The following ADAMTSL3 variants were observed in gnomAD, a reference collection of about 807,000 sequenced individuals.
The protein encoded by ADAMTSL3 is ADAMTS like 3.
In ADAMTSL3, 128 loss-of-function variants were observed where a neutral mutation model predicts 201.7. The observed-to-expected ratio is 0.63, with a 90% CI of 0.55 to 0.73. The LOEUF (loss-of-function observed/expected upper bound fraction) is 0.73. Ranked by LOEUF, ADAMTSL3 falls within the 30% of genes least tolerant of loss-of-function variation. ADAMTSL3 has a pLI of 0.00. For missense variants in ADAMTSL3, 1,990 were observed against 2,119.6 expected (o/e 0.94, Z 1.20); for synonymous variants, 738 against 748.4 (o/e 0.99, Z 0.23).
chr15:83,730,894 A>G (rs1257553693), intron 3 of ADAMTSL3, among the ~76,000 whole-genome samples: 3 of 152,034 alleles, frequency 2.0e-5, no homozygotes, highest in Non-Finnish European at 4.4e-5. Context: ...TAAGAGTTTT[A>G]TGGTGGTTTT....
chr15:84,012,144 G>T (rs528851232), intron 23 of ADAMTSL3, among the ~76,000 whole-genome samples: 1 of 152,160 alleles, frequency 6.6e-6, no homozygotes, highest in Non-Finnish European at 1.5e-5. Context: ...TTCTATTGCT[G>T]CTGTAACAAA....
At position 83,853,725 on chromosome 15, in the gene ADAMTSL3, G is replaced by A. The variant is rs568848671; in HGVS notation, c.728-5041G>A. Among the ~76,000 whole-genome samples, 23 of 152,016 alleles carry A rather than the reference G, an allele frequency of 1.5e-4. No individual in the cohort carries two copies. The South Asian group carries it at 3.9e-3, about 26-fold the overall frequency. ...TTCAAATATTTTACTTAGGAATTTG[G>A]TATCAAATAGATGTTAATGACATTG... On this transcript the variant is annotated intron_variant, in intron 7 of 29. Transcript: ENST00000286744.
In ADAMTSL3 at chr15:83,696,704, A is replaced by C. The variant is rs879831695; in HGVS notation, c.70-7685A>C. Among the ~76,000 whole-genome samples, 428 of 152,330 alleles carry C rather than the reference A, an allele frequency of 2.8e-3. 2 individuals are homozygous for C. The highest frequency in any genetic ancestry group is 4.7e-3 in the Non-Finnish European group (319 of 68,026). On this transcript the variant is annotated intron_variant, in intron 2 of 29. Coordinates refer to ENST00000286744, the MANE Select transcript of ADAMTSL3 (RefSeq NM_207517.3). ...GGGCAAATTTGCCATCAGCCTGGAT[A>C]GGTAGAGGGCTCAGGCCTCAGCCCT...
At chr15:83,901,632 A>G (rs1317701201) in intron 15 of ADAMTSL3, among the ~76,000 whole-genome samples, 1 of 152,190 alleles carries the variant, frequency 6.6e-6, no homozygotes, top group East Asian at 1.9e-4. Flanking sequence ...GTGTATACGT[A>G]TGTGTTTGTT....
At chr15:83,700,272 G>C (rs373745315) in intron 2 of ADAMTSL3, among the ~76,000 whole-genome samples, 3 of 152,336 alleles carry the variant, frequency 2.0e-5, no homozygotes, top group South Asian at 4.1e-4. Context: ...CTGGCTGTAA[G>C]CCTGCGTCTG....
chr15:83,878,764 C>CTTGT (rs565570607), intron 9 of ADAMTSL3, among the ~76,000 whole-genome samples: 1 of 146,304 alleles, frequency 6.8e-6, no homozygotes, highest in African/African-American at 2.6e-5. Flanking sequence ...AAAGGGTTTG[C>CTTGT]TTGTTTGTTT....
chr15:83,801,645 A>AAT (rs1491381194), intron 4 of ADAMTSL3, among the ~76,000 whole-genome samples: 3 of 43,888 alleles, frequency 6.8e-5, no homozygotes, highest in Non-Finnish European at 1.4e-4. Context: ...TAAATATATA[A>AAT]ATATAAATAT....
Position 83,761,577 on chromosome 15 carries a change from C to T in ADAMTSL3, c.190-11946C>T, listed in dbSNP as rs369883780. On this transcript the variant is annotated intron_variant, in intron 3 of 29. Coordinates refer to ENST00000286744, the MANE Select transcript of ADAMTSL3 (RefSeq NM_207517.3). ...AGTTGTCCTCAATGGCATGGTTGAT[C>T]TGTATTATCTAGCCCACCATTCCTC... Among the ~76,000 whole-genome samples the T allele has an allele frequency of 7.2e-5, 11 of 152,252 alleles. No homozygotes were observed. The East Asian group carries it at 1.3e-3, about 19-fold the overall frequency.
intron 3 of ADAMTSL3, among the ~76,000 whole-genome samples, chr15:83,757,492 G>A (rs933889274): frequency 6.6e-6 from 1 of 152,166 alleles, no homozygotes; most frequent in Admixed American, 6.5e-5. Flanking sequence ...ACAGCAGGGG[G>A]GCCCTGGGCC....
At chr15:83,683,668 C>T (rs1393860048) in intron 2 of ADAMTSL3, among the ~76,000 whole-genome samples, 1 of 152,134 alleles carries the variant, frequency 6.6e-6, no homozygotes, top group Non-Finnish European at 1.5e-5. Flanking sequence ...ACCTAAGTAG[C>T]AGAAAACAGT....
At chr15:83,819,742 A>T in intron 5 of ADAMTSL3, 69 bp from the exon 6 acceptor site, 1 of 1,264,758 alleles carries the variant, frequency 7.9e-7, no homozygotes, top group Non-Finnish European at 1.2e-6. Flanking sequence ...ATTCTGGTGA[A>T]CTTATTTCAT....
chr15:83,781,513 A>C (rs2063167592), intron 4 of ADAMTSL3, among the ~76,000 whole-genome samples: 1 of 152,198 alleles, frequency 6.6e-6, no homozygotes. Flanking sequence ...CAAACCCTGG[A>C]AGACGATACC....
chr15:83,744,545 G>A (rs961648193), intron 3 of ADAMTSL3, among the ~76,000 whole-genome samples: 10 of 152,076 alleles, frequency 6.6e-5, no homozygotes, highest in Admixed American at 4.6e-4. Context: ...ATACATTGTG[G>A]ACTGGCAAAG....
chr15:83,977,589 GAAAA>G (rs1225926548), intron 20 of ADAMTSL3, among the ~76,000 whole-genome samples: 1 of 149,374 alleles, frequency 6.7e-6, no homozygotes, highest in South Asian at 2.1e-4. Context: ...GAAAGGACCA[GAAAA>G]AAAAAGGTAA....
chr15:83,856,958 C>T (rs541055318), intron 7 of ADAMTSL3, among the ~76,000 whole-genome samples: 3 of 152,212 alleles, frequency 2.0e-5, no homozygotes, highest in Admixed American at 6.5e-5. Context: ...TCGCCACATC[C>T]TCACCAATAC....
At chr15:83,863,630 T>C (rs1449701133) in intron 8 of ADAMTSL3, among the ~76,000 whole-genome samples, 6 of 152,078 alleles carry the variant, frequency 3.9e-5, no homozygotes, top group Non-Finnish European at 8.8e-5. Context: ...TAGAGGGAAA[T>C]TTATAGCACT....
chr15:83,919,206 C>T (rs11637866), intron 16 of ADAMTSL3, among the ~76,000 whole-genome samples: 95,338 of 151,942 alleles, frequency 0.63, 30,999 homozygotes, highest in African/African-American at 0.79. Flanking sequence ...ATCATCTGTG[C>T]ATCCAAGGAT....
At chr15:83,690,145 A>G (rs371384847) in intron 2 of ADAMTSL3, among the ~76,000 whole-genome samples, 7 of 152,122 alleles carry the variant, frequency 4.6e-5, no homozygotes, top group African/African-American at 9.6e-5. Flanking sequence ...TCATTGCCCC[A>G]TCATTTGTCT....
chr15:83,766,263 T>C (rs2062888160), intron 3 of ADAMTSL3, among the ~76,000 whole-genome samples: 1 of 152,234 alleles, frequency 6.6e-6, no homozygotes, highest in African/African-American at 2.4e-5. Context: ...CATTGATTTG[T>C]GAGCTACTTG....
Sources: gnomAD v4.1 joint callset for allele counts (sites outside exome capture counted in the v4.1 genomes callset) on GRCh38, gnomAD v4.1.1 for gene constraint, MANE v1.5 for transcripts, NCBI Gene and HGNC (gene_info 2026-07-23, HGNC 2026-07-21) for gene names.